METTL8: variants seen among roughly 807,000 people sequenced by gnomAD.
The protein encoded by METTL8 is tRNA N(3)-cytidine methyltransferase METTL8, mitochondrial.
A neutral mutation model predicts 48.7 loss-of-function variants in METTL8; 32 were observed. The ratio of observed to expected loss-of-function variants is 0.66; its 90% CI spans 0.50 to 0.88. METTL8 has a LOEUF of 0.88. Among genes scored for constraint, METTL8 ranks in the 40% least tolerant of loss-of-function variants. The pLI is 0.00. For missense variants in METTL8, 464 were observed against 474.4 expected, an observed-to-expected ratio of 0.98 and a Z score of 0.20; for synonymous variants, 136 against 157.1, an observed-to-expected ratio of 0.87 and a Z score of 1.01.
At chr2:171,404,108 T>A (rs1208341392) in intron 1 of METTL8, among the ~76,000 whole-genome samples, 1 of 123,110 alleles carries the variant, frequency 8.1e-6, no homozygotes, top group East Asian at 2.2e-4. Flanking sequence ...TATGATAGTT[T>A]AACTTACAAA....
intron 5 of METTL8, among the ~76,000 whole-genome samples, chr2:171,335,769 A>G (rs1401552285): frequency 6.6e-6 from 1 of 152,196 alleles, no homozygotes; most frequent in African/African-American, 2.4e-5. Flanking sequence ...AAAAGATCAC[A>G]TCATTTAAAA....
chr2:171,366,678 T>A (rs1331303267), intron 2 of METTL8, among the ~76,000 whole-genome samples: 1 of 152,034 alleles, frequency 6.6e-6, no homozygotes, highest in African/African-American at 2.4e-5. Context: ...AATGAAAACT[T>A]CTTTTTAAAA....
intron 4 of METTL8, 37 bp from the exon 5 acceptor site, chr2:171,337,539 AAGGT>A: frequency 1.3e-6 from 2 of 1,561,900 alleles, no homozygotes; most frequent in Non-Finnish European, 1.7e-6. Flanking sequence ...CAAAAAAAGC[AAGGT>A]TAAATTTTTG....
chr2:171,330,804 C>G, intron 6 of METTL8, 106 bp from the exon 7 acceptor site: 1 of 869,186 alleles, frequency 1.2e-6, no homozygotes, highest in East Asian at 2.7e-5. Flanking sequence ...CTCCCAAAAG[C>G]CTTTCCTCTG....
chr2:171,373,677 C>A (rs1686622718), intron 2 of METTL8, among the ~76,000 whole-genome samples: 1 of 152,032 alleles, frequency 6.6e-6, no homozygotes, highest in African/African-American at 2.4e-5. Flanking sequence ...AGGAAGGGAT[C>A]CAGTTTCAGC....
chr2:171,351,121 A>G (rs925077085), intron 3 of METTL8, among the ~76,000 whole-genome samples: 12 of 152,198 alleles, frequency 7.9e-5, no homozygotes, highest in Non-Finnish European at 1.3e-4. Flanking sequence ...TCTTTAATCC[A>G]TCTTGAATTA....
At chr2:171,417,497 T>TCC (rs778788939) in intron 1 of METTL8, among the ~76,000 whole-genome samples, 8 of 152,198 alleles carry the variant, frequency 5.3e-5, no homozygotes, top group Non-Finnish European at 1.0e-4. Flanking sequence ...CATTTAGTCC[T>TCC]CCCAAGAATC....
intron 1 of METTL8, among the ~76,000 whole-genome samples, chr2:171,403,184 G>A (rs977763166): frequency 1.3e-5 from 2 of 152,112 alleles, no homozygotes; most frequent in African/African-American, 4.8e-5. Context: ...TGTGGAAAGG[G>A]GGAAAAATAA....
chr2:171,404,764 G>A (rs1467151911), intron 1 of METTL8, among the ~76,000 whole-genome samples: 1 of 152,158 alleles, frequency 6.6e-6, no homozygotes, highest in East Asian at 1.9e-4. Context: ...ACCAGGGCAT[G>A]TGTAGCATTT....
intron 3 of METTL8, among the ~76,000 whole-genome samples, chr2:171,346,384 A>G (rs1389684758): frequency 4.6e-5 from 7 of 152,194 alleles, no homozygotes; most frequent in African/African-American, 1.7e-4. Context: ...CTGCAGCAAG[A>G]CTATTATTTG....
intron 1 of METTL8, among the ~76,000 whole-genome samples, chr2:171,395,725 TAAC>T (rs1405866995): frequency 6.6e-5 from 10 of 152,192 alleles, no homozygotes; most frequent in Non-Finnish European, 1.3e-4. Context: ...AAGGAGAACT[TAAC>T]AAATTCACAG....
At chr2:171,336,591 C>T (rs1276215295) in intron 5 of METTL8, among the ~76,000 whole-genome samples, 6 of 151,414 alleles carry the variant, frequency 4.0e-5, no homozygotes, top group East Asian at 2.0e-4. Context: ...TTAGTAGAGA[C>T]GAGGTTTCAC....
intron 1 of METTL8, among the ~76,000 whole-genome samples, chr2:171,393,030 G>A (rs936533280): frequency 1.3e-5 from 2 of 150,824 alleles, no homozygotes; most frequent in Non-Finnish European, 3.0e-5. Context: ...CTTGAACCCA[G>A]GAGGCGGAGA....
chr2:171,381,711 G>A (rs116210181), intron 2 of METTL8, among the ~76,000 whole-genome samples: 4,588 of 151,566 alleles, frequency 0.03, 79 homozygotes, highest in East Asian at 0.05. Flanking sequence ...ATCATCTCAC[G>A]AGAGTCGGAA....
rs1684627481 is a variant in METTL8 at position 171,323,263 on chromosome 2, T to C, written c.*909A>G. 1 of 122,414 alleles carries C rather than the reference T, an allele frequency of 8.2e-6. No individual in the cohort carries two copies. Among genetic ancestry groups the C allele is most frequent in the African/African-American group, 3.1e-5 (1 of 32,368 alleles). 7.6% of individuals were successfully genotyped at this position (122,414 alleles called of 1,614,324 possible). A position where few individuals can be genotyped will look rare whatever the true frequency, so the allele number is the denominator to read the frequency against. On this transcript the variant is annotated 3_prime_UTR_variant, in exon 10 of 10. Coordinates refer to ENST00000375258, the MANE Select transcript of METTL8 (RefSeq NM_001321154.2). ...TTTTTTTTTTTTTGGAGACAAGGTC[T>C]CACCATGTCACCCAGTTTGGAGCGC... is the stretch of plus-strand genomic sequence containing the variant.
chr2:171,358,619 T>A (rs548435933), intron 3 of METTL8, among the ~76,000 whole-genome samples: 63 of 152,226 alleles, frequency 4.1e-4, no homozygotes, highest in African/African-American at 1.5e-3. Context: ...AGCAGAAGAA[T>A]GAAACTAGAT....
Position 171,339,240 on chromosome 2 carries a change from C to T in METTL8, c.550G>A (p.Gly184Arg). The change falls in exon 4 of 10, where the codon GGA (glycine) becomes AGA (arginine). Residue 184 changes from glycine to arginine, a missense_variant. Coordinates refer to ENST00000375258, the MANE Select transcript of METTL8 (RefSeq NM_001321154.2). ...GGAAACAATCCAGTCTCCATAGGTC[C>T]TTTTTTGTGTTTTTCAGAGTCTAGG... is the stretch of plus-strand genomic sequence containing the variant. ...SNLDSEKHKK[G>R]PMETGLFPGS... 4 of 1,605,140 alleles carry T rather than the reference C, an allele frequency of 2.5e-6. No homozygotes were observed. The Admixed American group carries it at 6.8e-5, about 27-fold the overall frequency.
chr2:171,405,868 G>A (rs1381732971), intron 1 of METTL8, among the ~76,000 whole-genome samples: 1 of 152,098 alleles, frequency 6.6e-6, no homozygotes, highest in Non-Finnish European at 1.5e-5. Flanking sequence ...CTTTCCCAAT[G>A]AGCTCTTCTT....
intron 1 of METTL8, 133 bp from the exon 2 acceptor site, chr2:171,392,330 T>C (rs1209660488): frequency 4.6e-6 from 3 of 655,966 alleles, no homozygotes; most frequent in African/African-American, 3.7e-5. Context: ...TAATGAAAGA[T>C]GAGCATAACA....
Sources: gnomAD v4.1 joint callset for allele counts (sites outside exome capture counted in the v4.1 genomes callset) on GRCh38, gnomAD v4.1.1 for gene constraint, MANE v1.5 for transcripts, NCBI Gene and HGNC (gene_info 2026-07-23, HGNC 2026-07-21) for gene names.